The following ARMC3 variants were observed in gnomAD, a reference collection of about 807,000 sequenced individuals.
The protein encoded by ARMC3 is armadillo repeat-containing protein 3.
In ARMC3, 74 loss-of-function variants were observed where a neutral mutation model predicts 90.3. The observed-to-expected ratio is 0.82, with a 90% CI of 0.68 to 0.99. The LOEUF (loss-of-function observed/expected upper bound fraction) is 0.99. ARMC3 is among the 50% of genes least tolerant of loss of function. ARMC3 has a pLI of 0.00. For missense variants in ARMC3, 958 were observed against 1,042.8 expected (o/e 0.92, Z 1.12); for synonymous variants, 334 against 361.8 (o/e 0.92, Z 0.87).
chr10:22,931,373 T>C (rs141699733), intron 1 of ARMC3, among the ~76,000 whole-genome samples: 2 of 152,336 alleles, frequency 1.3e-5, no homozygotes, highest in Non-Finnish European at 2.9e-5. Context: ...AATATATCTC[T>C]TCAGATTTTT....
chr10:22,957,086 T>G lies in ARMC3; in HGVS notation c.292+1154T>G, dbSNP rs371485899. On this transcript the variant is annotated intron_variant, in intron 4 of 18. Coordinates refer to ENST00000298032, the MANE Select transcript of ARMC3 (RefSeq NM_173081.5). ...ACTTAGGCTGCTCTGACTAAACACA[T>G]GCCTATCGTGGTACATGGCTAAAAT... is the stretch of plus-strand genomic sequence containing the variant. 2.0e-5 allele frequency among the ~76,000 whole-genome samples: 3 copies of G among 152,290 alleles called. No homozygotes were observed. In the South Asian group the frequency reaches 6.2e-4, roughly 32 times the overall value.
intron 7 of ARMC3, 118 bp downstream of exon 7, chr10:22,962,196 CTACA>C: frequency 2.8e-6 from 2 of 724,978 alleles, no homozygotes; most frequent in South Asian, 4.5e-5. Flanking sequence ...TTGCTTATTG[CTACA>C]TAAAGTTTAT....
At chr10:22,958,951 G>T in intron 4 of ARMC3, 119 bp from the exon 5 acceptor site, 1 of 779,598 alleles carries the variant, frequency 1.3e-6, no homozygotes, top group Non-Finnish European at 2.1e-6. Context: ...TCGAACTCCT[G>T]ACCTCAAGTG....
chr10:22,981,530 G>T, intron 9 of ARMC3, 38 bp downstream of exon 9: 2 of 1,613,234 alleles, frequency 1.2e-6, no homozygotes, highest in East Asian at 2.2e-5. Context: ...AGCATTTTTA[G>T]GTTACCGTAT....
intron 11 of ARMC3, among the ~76,000 whole-genome samples, chr10:23,001,308 C>A (rs1432591198): frequency 6.6e-6 from 1 of 152,228 alleles, no homozygotes; most frequent in African/African-American, 2.4e-5. Context: ...TATGTCCTTG[C>A]CCTTTCAGCT....
chr10:22,940,771 C>T (rs1196203611), intron 2 of ARMC3, among the ~76,000 whole-genome samples: 1 of 152,196 alleles, frequency 6.6e-6, no homozygotes, highest in African/African-American at 2.4e-5. Flanking sequence ...CAGGCATGAG[C>T]TACAGTGACC....
At chr10:23,005,543 C>T (rs912753465) in intron 13 of ARMC3, among the ~76,000 whole-genome samples, 5 of 152,246 alleles carry the variant, frequency 3.3e-5, no homozygotes, top group East Asian at 3.9e-4. Flanking sequence ...AAACATGATA[C>T]TGAAATAAAT....
At chr10:22,968,809 A>G (rs539808300) in intron 8 of ARMC3, among the ~76,000 whole-genome samples, 38 of 152,308 alleles carry the variant, frequency 2.5e-4, no homozygotes, top group Admixed American at 2.4e-3. Context: ...TTATATAAAC[A>G]AAACATATAT....
intron 10 of ARMC3, among the ~76,000 whole-genome samples, chr10:22,992,556 T>G (rs1020659451): frequency 3.3e-5 from 5 of 152,202 alleles, no homozygotes; most frequent in Non-Finnish European, 7.3e-5. Context: ...TTGTCTCCCT[T>G]AATTGTGAAA....
chr10:22,956,598 C>T (rs1834945579), intron 4 of ARMC3, among the ~76,000 whole-genome samples: 1 of 151,510 alleles, frequency 6.6e-6, no homozygotes, highest in South Asian at 2.1e-4. Context: ...GTGAGACTGT[C>T]TCAAAAGAAT....
At chr10:23,012,836 C>T (rs914800352) in intron 16 of ARMC3, among the ~76,000 whole-genome samples, 2 of 151,998 alleles carry the variant, frequency 1.3e-5, no homozygotes, top group African/African-American at 2.4e-5. Flanking sequence ...TTTCGCATAG[C>T]CCTCCATAAA....
At chr10:23,002,540 T>C (rs1403426186) in intron 12 of ARMC3, among the ~76,000 whole-genome samples, 1 of 149,616 alleles carries the variant, frequency 6.7e-6, no homozygotes, top group African/African-American at 2.5e-5. Flanking sequence ...TTAAGTTTCA[T>C]TTCTTTTCTC....
rs929815810 is a variant in ARMC3, at chr10:23,038,450, TAA to T, written c.*972_*973del. 2 of 152,350 alleles carry T rather than the reference TAA, an allele frequency of 1.3e-5. No individual in the cohort carries two copies. The highest frequency in any genetic ancestry group is 2.9e-5 in the Non-Finnish European group (2 of 68,026). The allele number at this position is 152,350 out of a possible 1,614,324, so 9.4% of individuals were successfully genotyped here. ...TGAATTTGATTTTAGAAATTAAAGC[TAA>T]GATTATTTTGTATTAATTTGTAATT... On this transcript the variant is annotated 3_prime_UTR_variant, in exon 19 of 19. Transcript: ENST00000298032.
At chr10:23,005,623 G>A (rs2131447189) in intron 13 of ARMC3, among the ~76,000 whole-genome samples, 1 of 152,304 alleles carries the variant, frequency 6.6e-6, no homozygotes, top group Middle Eastern at 3.4e-3. Context: ...CCAGCACTTT[G>A]GGAGGCCGAG....
rs543663087 is a variant in ARMC3 at position 22,934,824 on chromosome 10, A to G, written c.48+2780A>G. On this transcript the variant is annotated intron_variant, in intron 2 of 18. Coordinates refer to ENST00000298032, the MANE Select transcript of ARMC3 (RefSeq NM_173081.5). Reference sequence around the variant, plus strand: ...GGTAGATGTTATTATTATTAATGATATAGTTGAGGGTGCTGTTCATCATTC... The same window carrying G: ...GGTAGATGTTATTATTATTAATGATGTAGTTGAGGGTGCTGTTCATCATTC... Among the ~76,000 whole-genome samples, 5 of 152,240 alleles carry G rather than the reference A, an allele frequency of 3.3e-5. No homozygotes were observed. In the South Asian group the frequency reaches 1.0e-3, roughly 32 times the overall value.
rs201963592 is a variant in ARMC3, at chr10:23,037,292, T to C, written c.2432T>C (p.Ile811Thr). 1.1e-5 allele frequency: 17 copies of C among 1,601,434 alleles called. No homozygotes were observed. In the African/African-American group the frequency reaches 2.3e-4, roughly 21 times the overall value. The change falls in exon 19 of 19, where the codon ATT (isoleucine) becomes ACT (threonine). Residue 811 changes from isoleucine (I) to threonine (T), a missense_variant. By Grantham distance (89) the Ile-to-Thr change is moderately conservative (BLOSUM62 -1). Transcript: ENST00000298032. ...CAGGCTCTGGCTGATAGAATTGGCA[T>C]TGGTTGCTCCCTAGTTCGCGGAGAG... ...LFKALADRIG[I>T]GCSLVRGEYG...
chr10:22,983,751 A>G (rs1836288527), intron 10 of ARMC3, among the ~76,000 whole-genome samples: 1 of 152,238 alleles, frequency 6.6e-6, no homozygotes, highest in African/African-American at 2.4e-5. Flanking sequence ...TCTGGAGTCA[A>G]TCAAAAGGAA....
intron 16 of ARMC3, among the ~76,000 whole-genome samples, chr10:23,022,866 G>T (rs1048730877): frequency 6.6e-6 from 1 of 152,084 alleles, no homozygotes; most frequent in African/African-American, 2.4e-5. Flanking sequence ...GATGTGGCCA[G>T]CCTGGGAATC....
intron 2 of ARMC3, among the ~76,000 whole-genome samples, 196 bp downstream of exon 2, chr10:22,932,240 G>T (rs1833960594): frequency 6.6e-6 from 1 of 152,134 alleles, no homozygotes; most frequent in African/African-American, 2.4e-5. Context: ...TATATAATTA[G>T]CACAATTAGA....
Sources: gnomAD v4.1 joint callset for allele counts (sites outside exome capture counted in the v4.1 genomes callset) on GRCh38, gnomAD v4.1.1 for gene constraint, MANE v1.5 for transcripts, NCBI Gene and HGNC (gene_info 2026-07-23, HGNC 2026-07-21) for gene names.